The following LCT variants were observed in gnomAD, a reference collection of about 807,000 sequenced individuals.
LCT encodes the protein lactase/phlorizin hydrolase.
Under a neutral mutation model 173.0 loss-of-function variants are expected in LCT, and 90 were observed. The observed-to-expected ratio is 0.52, with a 90% CI of 0.44 to 0.62. LCT has a LOEUF of 0.62. Among genes scored for constraint, LCT ranks in the 20% least tolerant of loss-of-function variants. The pLI, the probability that LCT is intolerant of heterozygous loss-of-function variation, is 0.00. For missense variants in LCT, 1,864 were observed against 2,431.4 expected (o/e 0.77, Z 4.91); for synonymous variants, 853 against 957.6 (o/e 0.89, Z 2.02).
At position 135,836,864 on chromosome 2, in the gene LCT, G is replaced by C. The variant is rs1281617380; in HGVS notation, c.306C>G (p.Thr102=). 1.2e-5 allele frequency: 19 copies of C among 1,614,032 alleles called. No individual in the cohort carries two copies. The highest frequency in any genetic ancestry group is 1.5e-5 in the Non-Finnish European group (18 of 1,180,024). Residue 102 remains threonine, a synonymous_variant, in exon 1 of 17, where the codon ACC becomes ACG. Transcript: ENST00000264162. ...SWAQLLPAGS[T]QNPDEKTVQC... ...GCACTGTTTTCTCGTCTGGATTCTG[G>C]GTGCTTCCTGCTGGGAGGAGCTGTG... is the stretch of plus-strand genomic sequence containing the variant.
intron 14 of LCT, among the ~76,000 whole-genome samples, chr2:135,793,165 A>T (rs2077546742): frequency 1.3e-5 from 2 of 152,242 alleles, no homozygotes; most frequent in Non-Finnish European, 2.9e-5. Context: ...CCAGCGTTTG[A>T]GAAAACCAGT....
rs1214942033 is a variant in LCT, at chr2:135,836,904, A to G, written c.266T>C (p.Val89Ala). Residue 89 changes from valine (V) to alanine (A), a missense_variant, in exon 1 of 17, where the codon GTA becomes GCA. Val to Ala is a moderately conservative substitution (Grantham distance 64). Around this residue, in one of 4 missense-constraint regions of LCT, gnomAD observed 412 missense variants for 462.0 expected, o/e 0.89. Transcript: ENST00000264162. ...LHASQITHYK[V>A]FLSWAQLLPA... ...GAGGAGCTGTGCCCATGACAGAAAT[A>G]CCTTATAATGGGTGATCTGACTGGC... The G allele has an allele frequency of 6.2e-7, 1 of 1,614,132 alleles. No homozygotes were observed. Among genetic ancestry groups the G allele is most frequent in the Non-Finnish European group, 8.5e-7 (1 of 1,180,020 alleles).
Position 135,837,039 on chromosome 2 carries a change from C to T in LCT, c.131G>A (p.Ser44Asn). Reference protein sequence around the residue: ...PLTNDLLHNLSGLLGDQSSNF... With the variant: ...PLTNDLLHNLNGLLGDQSSNF... Reference sequence around the variant, plus strand: ...AGAACTCTGGTCTCCCAGGAGACCACTCAGGTTGTGCAGCAAGTCATTGGT... The same window carrying T: ...AGAACTCTGGTCTCCCAGGAGACCATTCAGGTTGTGCAGCAAGTCATTGGT... Residue 44 changes from serine (S) to asparagine (N), a missense_variant, in exon 1 of 17, where the codon AGT (serine) becomes AAT (asparagine). Physicochemically the swap from Ser to Asn is conservative, Grantham distance 46. This residue lies in a region of LCT where 412 missense variants were observed against 462.0 expected (regional missense o/e 0.89). Coordinates refer to ENST00000264162, the MANE Select transcript of LCT (RefSeq NM_002299.4). The T allele has an allele frequency of 6.2e-7, 1 of 1,614,100 alleles. No homozygotes were observed.
At chr2:135,799,025 G>C (rs904429941) in intron 12 of LCT, among the ~76,000 whole-genome samples, 1 of 152,200 alleles carries the variant, frequency 6.6e-6, no homozygotes, top group African/African-American at 2.4e-5. Flanking sequence ...CCTGACGTTT[G>C]AAGTTTTGAT....
At chr2:135,791,482 A>G (rs1422506944) in intron 14 of LCT, among the ~76,000 whole-genome samples, 1 of 152,248 alleles carries the variant, frequency 6.6e-6, no homozygotes, top group Non-Finnish European at 1.5e-5. Context: ...GGGAGGCCAC[A>G]GAAGCCTGAT....
At position 135,809,494 on chromosome 2, in the gene LCT, G is replaced by C; in HGVS notation, c.2853C>G (p.Ile951Met). The change falls in exon 8 of 17, where the codon ATC (isoleucine) becomes ATG (methionine). Residue 951 changes from isoleucine (I) to methionine (M), a missense_variant. This residue lies in a region of LCT where 755 missense variants were observed against 926.3 expected (regional missense o/e 0.82). Transcript: ENST00000264162. The surrounding 1 kb of genome is among the most constrained non-coding windows in gnomAD (Gnocchi z 5.5). ...CCAGCTGGTGATAGCTGTCACAGGC[G>C]ATGTCTCCAGTGGCATTGTCTTTCA... is the stretch of plus-strand genomic sequence containing the variant. ...SNVKDNATGD[I>M]ACDSYHQLDA... The C allele has an allele frequency of 1.9e-6, 3 of 1,614,240 alleles. No homozygotes were observed. The highest frequency in any genetic ancestry group is 2.5e-6 in the Non-Finnish European group (3 of 1,180,044).
intron 2 of LCT, among the ~76,000 whole-genome samples, chr2:135,831,084 C>T (rs1471977448): frequency 6.6e-6 from 1 of 152,138 alleles, no homozygotes; most frequent in African/African-American, 2.4e-5. Flanking sequence ...TCTTGGTCTC[C>T]GTGCTCTCTC....
At chr2:135,833,298 T>A in intron 1 of LCT, 108 bp from the exon 2 acceptor site, 1 of 823,630 alleles carries the variant, frequency 1.2e-6, no homozygotes, top group South Asian at 1.3e-5. Flanking sequence ...ATCATCCAAA[T>A]GACTTTACTC....
intron 2 of LCT, among the ~76,000 whole-genome samples, chr2:135,830,257 G>A (rs2077925171): frequency 6.6e-6 from 1 of 151,928 alleles, no homozygotes; most frequent in African/African-American, 2.4e-5. Flanking sequence ...AACCCTCATG[G>A]TCCTGGTCGT....
intron 2 of LCT, among the ~76,000 whole-genome samples, chr2:135,830,042 A>C (rs2077922197): frequency 6.6e-6 from 1 of 152,164 alleles, no homozygotes; most frequent in Non-Finnish European, 1.5e-5. Flanking sequence ...TGCTTCCTCC[A>C]TAGACCCTCA....
intron 9 of LCT, among the ~76,000 whole-genome samples, chr2:135,805,356 C>T (rs1295710558): frequency 1.3e-5 from 2 of 152,068 alleles, no homozygotes; most frequent in African/African-American, 4.8e-5. Context: ...TGCTCTGGCC[C>T]CTGCTCAGTC....
chr2:135,806,637 C>T (rs1335535481), intron 9 of LCT, among the ~76,000 whole-genome samples: 1 of 152,220 alleles, frequency 6.6e-6, no homozygotes, highest in African/African-American at 2.4e-5. Flanking sequence ...CACTGTGTTA[C>T]AACTGCCTAC....
At chr2:135,835,178 T>G (rs961975796) in intron 1 of LCT, among the ~76,000 whole-genome samples, 4 of 152,140 alleles carry the variant, frequency 2.6e-5, no homozygotes, top group African/African-American at 7.2e-5. Flanking sequence ...GAAAATACCT[T>G]AAACTTTATG....
chr2:135,824,383 C>A (rs952502605), intron 3 of LCT, among the ~76,000 whole-genome samples: 2 of 152,078 alleles, frequency 1.3e-5, no homozygotes, highest in Non-Finnish European at 2.9e-5. Flanking sequence ...TCAAAATAAT[C>A]CAGTTTGGTT....
In LCT at chr2:135,817,629, G is replaced by T. The variant is rs6719488; in HGVS notation, c.1419C>A (p.Gly473=). 1,087,139 of 1,613,654 alleles carry T rather than the reference G, an allele frequency of 0.67. 395,312 individuals carry two copies. Among genetic ancestry groups the T allele is most frequent in the Non-Finnish European group, 0.76 (894,062 of 1,179,830 alleles). ...CAATCAGCTTGTTGTAGTAGGCAAC[G>T]CCTGGGAGGCTGGGGCTGCTCCCGT... ...MGHGSSPSLP[G]VAYYNKLIDR... is the part of the protein sequence containing the mutation. Residue 473 remains glycine (G), a synonymous_variant, in exon 6 of 17, where the codon GGC becomes GGA. Coordinates refer to ENST00000264162, the MANE Select transcript of LCT (RefSeq NM_002299.4).
At chr2:135,799,732 G>A (rs938005586) in intron 12 of LCT, among the ~76,000 whole-genome samples, 1 of 152,234 alleles carries the variant, frequency 6.6e-6, no homozygotes. Flanking sequence ...TTACAGGCGT[G>A]AGCCACCTTG....
Position 135,788,380 on chromosome 2 carries a change from T to G in LCT, c.5728A>C (p.Lys1910Gln), listed in dbSNP as rs2077508707. 4.3e-6 allele frequency: 7 copies of G among 1,614,166 alleles called. No individual in the cohort carries two copies. Among genetic ancestry groups the G allele is most frequent in the Non-Finnish European group, 5.9e-6 (7 of 1,180,032 alleles). ...TGGCTTCGTTGTGTTTTCCCTTGCTTAGAGCGCTTGCAGTACTTGTATGAC... is the reference window on the plus strand; with the variant it reads ...TGGCTTCGTTGTGTTTTCCCTTGCTGAGAGCGCTTGCAGTACTTGTATGAC... ...FLSYKYCKRS[K>Q]QGKTQRSQQE... The change falls in exon 17 of 17, where the codon AAG becomes CAG. Residue 1910 changes from lysine to glutamine, a missense_variant. By Grantham distance (53) the Lys-to-Gln change is moderately conservative. Coordinates refer to ENST00000264162, the MANE Select transcript of LCT (RefSeq NM_002299.4).
At chr2:135,799,615 A>C (rs1323765859) in intron 12 of LCT, among the ~76,000 whole-genome samples, 1 of 151,848 alleles carries the variant, frequency 6.6e-6, no homozygotes. Flanking sequence ...ACACCTCGGT[A>C]ATTTTTATAT....
At position 135,808,680 on chromosome 2, in the gene LCT, G is replaced by A. The variant is rs989730741; in HGVS notation, c.3667C>T (p.Pro1223Ser). ...TCCTGGTCGTCTTCGTAGGAGGGTGGGTTTAGCCTGGGTGTTTTGTGCTGC... is the reference window on the plus strand; with the variant it reads ...TCCTGGTCGTCTTCGTAGGAGGGTGAGTTTAGCCTGGGTGTTTTGTGCTGC... ...IVQHKTPRLN[P>S]PSYEDDQEMA... The change falls in exon 8 of 17, where the codon CCA (proline) becomes TCA (serine). Residue 1223 changes from proline (P) to serine (S), a missense_variant. Physicochemically the swap from Pro to Ser is moderately conservative, Grantham distance 74 (BLOSUM62 -1). Coordinates refer to ENST00000264162, the MANE Select transcript of LCT (RefSeq NM_002299.4). 5 of 1,614,080 alleles carry A rather than the reference G, an allele frequency of 3.1e-6. No individual in the cohort carries two copies. In the African/African-American group the frequency reaches 5.3e-5, roughly 17 times the overall value.
Sources: allele counts gnomAD v4.1 joint callset (sites outside exome capture counted in the v4.1 genomes callset), GRCh38; gene constraint gnomAD v4.1.1; regional missense constraint gnomAD v4.1.1; non-coding constraint Gnocchi (gnomAD v3.1); transcripts MANE v1.5; gene names NCBI Gene and HGNC (gene_info 2026-07-23, HGNC 2026-07-21).